The following USP34 variants were observed in gnomAD, a reference collection of about 807,000 sequenced individuals.
The protein encoded by USP34 is ubiquitin carboxyl-terminal hydrolase 34.
USP34 carries 70 observed loss-of-function variants against 460.3 expected under a neutral mutation model. The observed-to-expected ratio is 0.15, with a 90% CI of 0.13 to 0.19. The LOEUF is 0.19. USP34 is among the 10% of genes least tolerant of loss of function. The pLI is 1.00. For synonymous variants in USP34, 1,647 were observed against 1,405.3 expected (o/e 1.17, Z -3.85); for missense variants, 3,985 against 4,236.2 (o/e 0.94, Z 1.65).
intron 2 of USP34, among the ~76,000 whole-genome samples, chr2:61,412,189 C>CAAAA (rs10581550): frequency 9.8e-5 from 9 of 92,144 alleles, no homozygotes; most frequent in East Asian, 2.9e-4. Context: ...AACTCCATCT[C>CAAAA]AAAAAAAAAA....
Position 61,206,811 on chromosome 2 carries a change from A to T in USP34, c.8995T>A (p.Ser2999Thr). The change falls in exon 71 of 80, where the codon TCA becomes ACA. Residue 2999 changes from serine (S) to threonine (T), a missense_variant. By Grantham distance (58) the Ser-to-Thr change is moderately conservative (BLOSUM62 1). Coordinates refer to ENST00000398571, the MANE Select transcript of USP34 (RefSeq NM_014709.4). ...GACTTCAAAACCGAAAGAAATATTG[A>T]CAGAAGTTCTACTAAATCTCCAGTC... is the stretch of plus-strand genomic sequence containing the variant. ...HVTGDLVELL[S>T]IFLSVLKSTR... 1 of 1,613,814 alleles carries T rather than the reference A, an allele frequency of 6.2e-7. No homozygotes were observed. Among genetic ancestry groups the T allele is most frequent in the Non-Finnish European group, 8.5e-7 (1 of 1,179,804 alleles).
chr2:61,265,190 T>C, intron 43 of USP34: 1 of 547,108 alleles, frequency 1.8e-6, no homozygotes, highest in Non-Finnish European at 3.1e-6. Flanking sequence ...GTGTTTTCCT[T>C]TGAGAACTAA....
chr2:61,194,303 C>A (rs1686729771), intron 75 of USP34: 1 of 985,258 alleles, frequency 1.0e-6, no homozygotes, highest in East Asian at 1.1e-4. Context: ...CAGCATATAC[C>A]CACCACGGTA....
At chr2:61,313,341 C>A (rs992881685) in intron 25 of USP34, among the ~76,000 whole-genome samples, 2 of 151,782 alleles carry the variant, frequency 1.3e-5, no homozygotes, top group Admixed American at 6.6e-5. Context: ...AAAACAAATA[C>A]ATTTTTAAAG....
chr2:61,313,828 C>G (rs1690666801), intron 25 of USP34, among the ~76,000 whole-genome samples: 3 of 152,006 alleles, frequency 2.0e-5, no homozygotes, highest in African/African-American at 7.2e-5. Flanking sequence ...TGCAATCTTT[C>G]TTGATATTTT....
intron 67 of USP34, 54 bp downstream of exon 67, chr2:61,220,256 C>G (rs980411293): frequency 4.9e-5 from 65 of 1,329,906 alleles, no homozygotes; most frequent in Non-Finnish European, 6.2e-5. Context: ...CAAAATGAAA[C>G]ATAACTTTGA....
chr2:61,340,625 G>T (rs1307283019), intron 16 of USP34, among the ~76,000 whole-genome samples: 1 of 151,994 alleles, frequency 6.6e-6, no homozygotes, highest in East Asian at 1.9e-4. Context: ...ACCTATTAAG[G>T]TATGTGGTAG....
chr2:61,341,692 C>T (rs1691605951), intron 16 of USP34, among the ~76,000 whole-genome samples: 1 of 151,506 alleles, frequency 6.6e-6, no homozygotes, highest in African/African-American at 2.4e-5. Context: ...TCTTGCACAA[C>T]CTGCACAACT....
At position 61,294,999 on chromosome 2, in the gene USP34, C is replaced by A. The variant is rs1437502317; in HGVS notation, c.4411G>T (p.Asp1471Tyr). 1.2e-6 allele frequency: 2 copies of A among 1,613,080 alleles called. No homozygotes were observed. The highest frequency in any genetic ancestry group is 3.3e-5 in the Admixed American group (2 of 59,934). ...SYSDLYPDSD[D>Y]SSEDQVENSK... ...TTTTCCACTTGATCTTCACTTGAATCATCTGAATCTGGATAAAGATCACTG... is the reference window on the plus strand; with the variant it reads ...TTTTCCACTTGATCTTCACTTGAATAATCTGAATCTGGATAAAGATCACTG... The change falls in exon 32 of 80, where the codon GAT becomes TAT. Residue 1471 changes from aspartate to tyrosine, a missense_variant. Asp to Tyr is a radical substitution (Grantham distance 160). This residue lies in a region of USP34 where 1,114 missense variants were observed against 1,122.5 expected (regional missense o/e 0.99). Transcript: ENST00000398571.
chr2:61,468,958 C>G (rs964831348), intron 1 of USP34, among the ~76,000 whole-genome samples: 2 of 152,126 alleles, frequency 1.3e-5, no homozygotes, highest in African/African-American at 4.8e-5. Context: ...CCTGTAATCC[C>G]AGCACTTTGG....
At position 61,273,794 on chromosome 2, in the gene USP34, A is replaced by G. The variant is rs549503318; in HGVS notation, c.5433+4371T>C. Among the ~76,000 whole-genome samples the G allele has an allele frequency of 1.0e-3, 159 of 152,308 alleles. 2 individuals are homozygous for G. In the South Asian group the frequency reaches 0.031, roughly 30 times the overall value. The stretch of plus-strand genomic sequence containing the variant: ...TATGATATTGGTGAATGAACAAACA[A>G]ATCAATAAGATGAAACAGAAAGTCC... On this transcript the variant is annotated intron_variant, in intron 41 of 79. Coordinates refer to ENST00000398571, the MANE Select transcript of USP34 (RefSeq NM_014709.4).
At chr2:61,341,575 A>AC (rs1213729497) in intron 16 of USP34, among the ~76,000 whole-genome samples, 1 of 150,120 alleles carries the variant, frequency 6.7e-6, no homozygotes, top group Non-Finnish European at 1.5e-5. Context: ...CACCCCTCCA[A>AC]CCCCCCGTTT....
chr2:61,455,830 T>C (rs1214517572), intron 1 of USP34, among the ~76,000 whole-genome samples: 5 of 152,112 alleles, frequency 3.3e-5, no homozygotes, highest in Non-Finnish European at 7.4e-5. Context: ...CCTCACAAAA[T>C]CCCTATGAGA....
At chr2:61,274,589 G>C (rs557260914) in intron 41 of USP34, among the ~76,000 whole-genome samples, 1 of 152,130 alleles carries the variant, frequency 6.6e-6, no homozygotes, top group Non-Finnish European at 1.5e-5. Context: ...AACACAAATG[G>C]CTTTCAAACA....
chr2:61,361,050 T>G (rs866747233), intron 10 of USP34, among the ~76,000 whole-genome samples: 46 of 152,112 alleles, frequency 3.0e-4, no homozygotes, highest in Middle Eastern at 3.2e-3. Flanking sequence ...AAAACAATCT[T>G]GAGTAAGAAT....
At chr2:61,396,511 C>T (rs534689784) in intron 3 of USP34, among the ~76,000 whole-genome samples, 2 of 147,772 alleles carry the variant, frequency 1.4e-5, no homozygotes, top group East Asian at 2.0e-4. Context: ...TTTTTTTAGA[C>T]GGAGTCTCGC....
intron 1 of USP34, among the ~76,000 whole-genome samples, chr2:61,443,478 T>C (rs1168135423): frequency 8.6e-6 from 1 of 115,984 alleles, no homozygotes; most frequent in Non-Finnish European, 1.7e-5. Flanking sequence ...GCTATCTTCC[T>C]GCCAGCAGAT....
chr2:61,241,877 TTATATA>T (rs1368947694), intron 51 of USP34, 58 bp from the exon 52 acceptor site: 29 of 881,314 alleles, frequency 3.3e-5, no homozygotes, highest in African/African-American at 1.8e-5. Context: ...TCAGCTATAT[TTATATA>T]TAAATTATTT....
intron 27 of USP34, among the ~76,000 whole-genome samples, chr2:61,303,579 T>C (rs1334257724): frequency 2.0e-5 from 3 of 152,178 alleles, no homozygotes; most frequent in East Asian, 1.9e-4. Flanking sequence ...GGCTACTGGA[T>C]GGACAGAAAT....
Sources: allele counts gnomAD v4.1 joint callset (sites outside exome capture counted in the v4.1 genomes callset), GRCh38; gene constraint gnomAD v4.1.1; regional missense constraint gnomAD v4.1.1; transcripts MANE v1.5; gene names NCBI Gene and HGNC (gene_info 2026-07-23, HGNC 2026-07-21).